MAP3K2: variants seen among roughly 807,000 people sequenced by gnomAD.
MAP3K2 encodes mitogen-activated protein kinase kinase kinase 2.
MAP3K2 carries 24 observed loss-of-function variants against 80.3 expected under a neutral mutation model. That is an observed-to-expected ratio of 0.30 (90% confidence interval 0.22 to 0.42). MAP3K2 has a LOEUF of 0.42. Among genes scored for constraint, MAP3K2 ranks in the 10% least tolerant of loss-of-function variants. The pLI, the probability that MAP3K2 is intolerant of heterozygous loss-of-function variation, is 1.00. For missense variants in MAP3K2, 608 were observed against 750.1 expected, an observed-to-expected ratio of 0.81 and a Z score of 2.21; for synonymous variants, 244 against 253.7, an observed-to-expected ratio of 0.96 and a Z score of 0.36.
At position 127,339,063 on chromosome 2, in the gene MAP3K2, G is replaced by C; in HGVS notation, c.5-13C>G. ...GCTTGCTGATCATCTAGGTAGTTTT[G>C]AAACAACACATACATAGAATTGTAA... On this transcript the variant is annotated splice_polypyrimidine_tract_variant and intron_variant, in intron 2 of 16. Coordinates refer to ENST00000682094, the MANE Select transcript of MAP3K2 (RefSeq NM_001371910.2). This position sits in a 1 kb window ranked among gnomAD's most constrained non-coding sequence, Gnocchi z 4.2. 6.7e-7 allele frequency: 1 copy of C among 1,483,336 alleles called. No individual in the cohort carries two copies. The highest frequency in any genetic ancestry group is 9.4e-7 in the Non-Finnish European group (1 of 1,067,566). 91.9% of individuals were successfully genotyped at this position (1,483,336 alleles called of 1,614,324 possible).
At chr2:127,324,764 G>C (rs74916510) in intron 9 of MAP3K2, among the ~76,000 whole-genome samples, 2 of 152,050 alleles carry the variant, frequency 1.3e-5, no homozygotes, top group South Asian at 4.1e-4. Flanking sequence ...GCATTCCCAC[G>C]CAATATTAGT....
chr2:127,367,179 T>C (rs949377040), intron 1 of MAP3K2, among the ~76,000 whole-genome samples: 1 of 152,188 alleles, frequency 6.6e-6, no homozygotes, highest in Non-Finnish European at 1.5e-5. Context: ...CATGTACTGA[T>C]CACAGACTGG....
chr2:127,342,347 C>A (rs1301068899), intron 2 of MAP3K2, among the ~76,000 whole-genome samples: 1 of 151,100 alleles, frequency 6.6e-6, no homozygotes, highest in East Asian at 1.9e-4. Context: ...GTGTCCTAGC[C>A]CCCACTTTCA....
At chr2:127,340,432 G>A (rs939300434) in intron 2 of MAP3K2, among the ~76,000 whole-genome samples, 4 of 152,148 alleles carry the variant, frequency 2.6e-5, no homozygotes, top group African/African-American at 9.7e-5. Context: ...GCCGAGGGGG[G>A]CAGATCATAA....
chr2:127,316,473 AATGACAG>A (rs1288725889), intron 14 of MAP3K2, among the ~76,000 whole-genome samples: 1 of 152,254 alleles, frequency 6.6e-6, no homozygotes, highest in Non-Finnish European at 1.5e-5. Flanking sequence ...TACTCTATAT[AATGACAG>A]ATGTCACAAA....
intron 2 of MAP3K2, among the ~76,000 whole-genome samples, chr2:127,340,373 C>A (rs2104845319): frequency 6.6e-6 from 1 of 152,170 alleles, no homozygotes; most frequent in South Asian, 2.1e-4. Flanking sequence ...GAAGGTAAAT[C>A]CTTGGCCAGG....
intron 2 of MAP3K2, 65 bp downstream of exon 2, chr2:127,343,061 A>G: frequency 1.5e-6 from 2 of 1,314,614 alleles, no homozygotes; most frequent in Non-Finnish European, 2.1e-6. Flanking sequence ...CATAATAGAG[A>G]AAGTTTTTTC....
intron 12 of MAP3K2, among the ~76,000 whole-genome samples, chr2:127,319,880 T>G (rs140738118): frequency 0.014 from 2,056 of 148,666 alleles, 28 homozygotes; most frequent in South Asian, 0.052. Flanking sequence ...GCAGGACCAT[T>G]GAGAAAATCC....
chr2:127,379,172 T>C (rs1005885742), intron 1 of MAP3K2, among the ~76,000 whole-genome samples: 2 of 152,096 alleles, frequency 1.3e-5, no homozygotes, highest in African/African-American at 4.8e-5. Context: ...GTATCATTTG[T>C]ATTCCCCTTA....
chr2:127,376,857 G>A (rs1687161713), intron 1 of MAP3K2, among the ~76,000 whole-genome samples: 1 of 152,024 alleles, frequency 6.6e-6, no homozygotes, highest in Non-Finnish European at 1.5e-5. Context: ...CTTGAGCCCA[G>A]GTGTTCAAGA....
intron 2 of MAP3K2, 72 bp downstream of exon 2, chr2:127,343,053 TA>T (rs1371504181): frequency 3.4e-6 from 4 of 1,178,598 alleles, no homozygotes; most frequent in Middle Eastern, 2.1e-4. Context: ...TAATAACACA[TA>T]ATAGAGAAAG....
chr2:127,374,797 G>C (rs368607553), intron 1 of MAP3K2, among the ~76,000 whole-genome samples: 1 of 152,136 alleles, frequency 6.6e-6, no homozygotes. Flanking sequence ...TCTGGCTTAT[G>C]CCAGCTCACA....
At chr2:127,388,011 C>G (rs912183738), upstream of MAP3K2, 1 of 983,534 alleles carries the variant, frequency 1.0e-6, no homozygotes, top group Non-Finnish European at 1.2e-6. Context: ...CGGCCGCTCG[C>G]TCGTGCGCGC....
intron 4 of MAP3K2, 133 bp from the exon 5 acceptor site, chr2:127,336,102 A>C (rs545233609): frequency 1.2e-4 from 66 of 529,876 alleles, no homozygotes; most frequent in African/African-American, 1.2e-3. Flanking sequence ...TTAACACTAC[A>C]ACAGCACATT....
In MAP3K2 at chr2:127,322,679, C is replaced by T. The variant is rs562551609; in HGVS notation, c.839-427G>A. ...TACAATCTCGGCTCACTGCAACCTC[C>T]GCCTCCAGGGTTCAAGCGATTCTCC... On this transcript the variant is annotated intron_variant, in intron 11 of 16. Transcript: ENST00000682094. This position sits in a 1 kb window ranked among gnomAD's most constrained non-coding sequence, Gnocchi z 4.2. Among the ~76,000 whole-genome samples the T allele has an allele frequency of 1.2e-4, 18 of 152,120 alleles. No homozygotes were observed. The East Asian group carries it at 2.5e-3, about 21-fold the overall frequency.
intron 12 of MAP3K2, among the ~76,000 whole-genome samples, chr2:127,319,650 C>CAAAAAAAAAAAAAAAAAAAA (rs57472022): frequency 4.2e-5 from 3 of 71,826 alleles, no homozygotes; most frequent in Non-Finnish European, 7.2e-5. Context: ...ACTAAAAATA[C>CAAAAAAAAAAAAAAAAAAAA]AAAAAAAAAA....
intron 7 of MAP3K2, among the ~76,000 whole-genome samples, chr2:127,327,279 A>G (rs902848415): frequency 1.3e-5 from 2 of 152,206 alleles, no homozygotes; most frequent in Admixed American, 6.5e-5. Context: ...TTTAAAGCAA[A>G]AAACATTTTA....
rs1685655488 is a variant in MAP3K2 at position 127,304,373 on chromosome 2, G to T, written c.*3206C>A. The T allele has an allele frequency of 6.6e-6, 1 of 151,916 alleles. No individual in the cohort carries two copies. Among genetic ancestry groups the T allele is most frequent in the Non-Finnish European group, 1.5e-5 (1 of 67,952 alleles). The allele number at this position is 151,916 out of a possible 1,614,324, so 9.4% of individuals were successfully genotyped here. A position where few individuals can be genotyped will look rare whatever the true frequency, so the allele number is the denominator to read the frequency against. ...ACCCTTTTATTCAATACAACATTTTGTTTGCAATGTAAAAGATCTTATATT... is the reference window on the plus strand; with the variant it reads ...ACCCTTTTATTCAATACAACATTTTTTTTGCAATGTAAAAGATCTTATATT... On this transcript the variant is annotated 3_prime_UTR_variant, in exon 17 of 17. Coordinates refer to ENST00000682094, the MANE Select transcript of MAP3K2 (RefSeq NM_001371910.2).
At chr2:127,352,786 T>C (rs1686716398) in intron 1 of MAP3K2, among the ~76,000 whole-genome samples, 1 of 148,150 alleles carries the variant, frequency 6.7e-6, no homozygotes. Context: ...CTCGGCTCAC[T>C]GCAACCTCCC....
Sources: gnomAD v4.1 joint callset for allele counts (sites outside exome capture counted in the v4.1 genomes callset) on GRCh38, gnomAD v4.1.1 for gene constraint, Gnocchi (gnomAD v3.1) non-coding constraint, MANE v1.5 for transcripts, NCBI Gene and HGNC (gene_info 2026-07-23, HGNC 2026-07-21) for gene names.